The following STRAP variants were observed in gnomAD, a reference collection of about 807,000 sequenced individuals.
STRAP encodes serine-threonine kinase receptor-associated protein.
In STRAP, 16 loss-of-function variants were observed where a neutral mutation model predicts 47.0. The observed-to-expected ratio is 0.34, with a 90% CI of 0.23 to 0.52. The LOEUF (loss-of-function observed/expected upper bound fraction) is 0.52, where lower values mean the gene tolerates loss of function less well. Among genes scored for constraint, STRAP ranks in the 20% least tolerant of loss-of-function variants. The pLI is 0.96. For missense variants in STRAP, 293 were observed against 420.0 expected (o/e 0.70, Z 2.64); for synonymous variants, 130 against 142.7 (o/e 0.91, Z 0.63).
At chr12:15,892,691 A>G (rs1235402759) in intron 4 of STRAP, among the ~76,000 whole-genome samples, 2 of 152,198 alleles carry the variant, frequency 1.3e-5, no homozygotes, top group African/African-American at 4.8e-5. Context: ...AACAAAGCGC[A>G]TTTGCAGATT....
At chr12:15,893,980 G>T (rs1948039110) in intron 4 of STRAP, 67 bp from the exon 5 acceptor site, 2 of 1,208,294 alleles carry the variant, frequency 1.7e-6, no homozygotes, top group Non-Finnish European at 2.4e-6. Context: ...ATATATAATT[G>T]TTCCGATATT....
Position 15,882,458 on chromosome 12 carries a change from A to G in STRAP, c.-250A>G. The stretch of plus-strand genomic sequence containing the variant: ...CTGGCCCGGTTCTCCGCTTCTCCCC[A>G]TCCCCTACTTTCCTCCCTCCCTCCC... On this transcript the variant is annotated 5_prime_UTR_variant, in exon 1 of 10. Transcript: ENST00000419869. 1 of 480,184 alleles carries G rather than the reference A, an allele frequency of 2.1e-6. No homozygotes were observed. Among genetic ancestry groups the G allele is most frequent in the Non-Finnish European group, 3.8e-6 (1 of 266,082 alleles). The allele number at this position is 480,184 out of a possible 1,614,324, so 29.7% of individuals were successfully genotyped here.
chr12:15,897,927 T>C lies in STRAP; in HGVS notation c.684T>C (p.Ser228=). 6 of 1,593,512 alleles carry C rather than the reference T, an allele frequency of 3.8e-6. No homozygotes were observed. The highest frequency in any genetic ancestry group is 5.1e-6 in the Non-Finnish European group (6 of 1,172,184). The part of the protein sequence containing the change: ...KSFEAPATIN[S]ASLHPEKEFL... ...TTGAAGCTCCTGCAACCATCAATTC[T>C]GCATCTCTTCATCCTGAGAAAGAAT... Residue 228 remains serine (S), a synonymous_variant, in exon 7 of 10, where the codon TCT becomes TCC. Transcript: ENST00000419869.
intron 8 of STRAP, among the ~76,000 whole-genome samples, chr12:15,900,520 CAAA>C (rs397823926): frequency 2.0e-5 from 2 of 102,216 alleles, no homozygotes; most frequent in African/African-American, 3.5e-5. Flanking sequence ...GACTCAGTCT[CAAA>C]AAAAAAAAAA....
chr12:15,894,977 T>G lies in STRAP; in HGVS notation c.501-382T>G, dbSNP rs1948048050. 6.6e-6 allele frequency among the ~76,000 whole-genome samples: 1 copy of G among 152,216 alleles called. No homozygotes were observed. The highest frequency in any genetic ancestry group is 2.4e-5 in the African/African-American group (1 of 41,454). On this transcript the variant is annotated intron_variant, in intron 5 of 9. Coordinates refer to ENST00000419869, the MANE Select transcript of STRAP (RefSeq NM_007178.4). The surrounding 1 kb of genome is among the most constrained non-coding windows in gnomAD (Gnocchi z 4.9). Reference sequence around the variant, plus strand: ...GCCTCTGAAATTCTATACAAAATCTTGTGTGCTGACACCTGATGTATATTT... The same window carrying G: ...GCCTCTGAAATTCTATACAAAATCTGGTGTGCTGACACCTGATGTATATTT...
intron 1 of STRAP, chr12:15,883,222 G>C (rs977311745): frequency 1.6e-5 from 21 of 1,277,038 alleles, no homozygotes; most frequent in Non-Finnish European, 2.1e-5. Flanking sequence ...TTCCTTTGTG[G>C]TATTAGCCTC....
intron 9 of STRAP, among the ~76,000 whole-genome samples, chr12:15,902,082 TCTCCTGCGTAAGC>T (rs1192001474): frequency 1.3e-5 from 2 of 151,940 alleles, no homozygotes; most frequent in African/African-American, 4.8e-5. Context: ...TTCAAGCAAT[TCTCCTGCGTAAGC>T]CTCCTGGGTA....
In STRAP at chr12:15,885,205, T is replaced by TA. The variant is rs1555144752; in HGVS notation, c.248+1532dup. 2.9e-4 allele frequency among the ~76,000 whole-genome samples: 42 copies of TA among 145,078 alleles called. 1 individual carries two copies. The highest frequency in any genetic ancestry group is 3.9e-4 in the East Asian group (2 of 5,070). On this transcript the variant is annotated intron_variant, in intron 2 of 9. Coordinates refer to ENST00000419869, the MANE Select transcript of STRAP (RefSeq NM_007178.4). ...GTTTTTTTTTTTTTTTTTTTTTTTT[T>TA]AAAGACAGAGTCTTGCTATGTCCCC...
chr12:15,895,792 G>A (rs1182167133), intron 6 of STRAP, among the ~76,000 whole-genome samples: 1 of 149,594 alleles, frequency 6.7e-6, no homozygotes, highest in Non-Finnish European at 1.5e-5. Flanking sequence ...GAGCCTGGGA[G>A]GTTGAGGCTG....
chr12:15,889,463 TG>T (rs1414082315), intron 2 of STRAP, among the ~76,000 whole-genome samples: 1 of 152,204 alleles, frequency 6.6e-6, no homozygotes, highest in Non-Finnish European at 1.5e-5. Flanking sequence ...TTCATTCCCT[TG>T]TAACATTTTT....
chr12:15,899,412 A>G (rs1281596369), intron 7 of STRAP, among the ~76,000 whole-genome samples: 4 of 152,216 alleles, frequency 2.6e-5, no homozygotes, highest in African/African-American at 9.6e-5. Context: ...GTTGATCTAT[A>G]TCTCACCTTT....
At position 15,894,908 on chromosome 12, in the gene STRAP, A is replaced by T. The variant is rs1468966683; in HGVS notation, c.501-451A>T. ...TGATACCTTATAAGCAGGTGTTTTT[A>T]ACCTGGGTCTGTGGGCAGAATGGTT... On this transcript the variant is annotated intron_variant, in intron 5 of 9. Transcript: ENST00000419869. This position sits in a 1 kb window ranked among gnomAD's most constrained non-coding sequence, Gnocchi z 4.9. Among the ~76,000 whole-genome samples the T allele has an allele frequency of 6.6e-6, 1 of 152,240 alleles. No individual in the cohort carries two copies. Among genetic ancestry groups the T allele is most frequent in the African/African-American group, 2.4e-5 (1 of 41,460 alleles).
At chr12:15,895,231 A>G in intron 5 of STRAP, 128 bp from the exon 6 acceptor site, 1 of 738,196 alleles carries the variant, frequency 1.4e-6, no homozygotes, top group Non-Finnish European at 2.0e-6. Context: ...GTAATTTGTG[A>G]CTTGGAATGA....
At position 15,890,830 on chromosome 12, in the gene STRAP, C is replaced by T. The variant is rs1260183278; in HGVS notation, c.403+161C>T. 9.9e-5 allele frequency among the ~76,000 whole-genome samples: 15 copies of T among 152,062 alleles called. No individual in the cohort carries two copies. Among genetic ancestry groups the T allele is most frequent in the African/African-American group, 3.4e-4 (14 of 41,406 alleles). ...ATCCTAGCACTTTGGGAGACTGAGG[C>T]GGGTGGATCACTTGAGGTCAGGAGT... On this transcript the variant is annotated intron_variant, in intron 4 of 9. Transcript: ENST00000419869. This position sits in a 1 kb window ranked among gnomAD's most constrained non-coding sequence, Gnocchi z 4.5.
chr12:15,891,683 C>T (rs1238121751), intron 4 of STRAP, among the ~76,000 whole-genome samples: 2 of 152,182 alleles, frequency 1.3e-5, no homozygotes, highest in African/African-American at 4.8e-5. Context: ...TGGCTCACGC[C>T]TGTAATCCCA....
Position 15,903,298 on chromosome 12 carries a change from G to A in STRAP, c.*320G>A, listed in dbSNP as rs1345304237. On this transcript the variant is annotated 3_prime_UTR_variant, in exon 10 of 10. Coordinates refer to ENST00000419869, the MANE Select transcript of STRAP (RefSeq NM_007178.4). ...TAGCTGTTTATGTTAATATGGAGAA[G>A]AAAACTATATTGGCTGATTTTTTCT... 1 of 198,214 alleles carries A rather than the reference G, an allele frequency of 5.0e-6. No individual in the cohort carries two copies. 12.3% of individuals were successfully genotyped at this position (198,214 alleles called of 1,614,324 possible).
chr12:15,885,361 G>A (rs913980777), intron 2 of STRAP, among the ~76,000 whole-genome samples: 1 of 151,504 alleles, frequency 6.6e-6, no homozygotes, highest in East Asian at 1.9e-4. Context: ...GCTAATTTTT[G>A]TATATTTAGT....
In STRAP at chr12:15,896,389, A is replaced by T. The variant is rs1430083700; in HGVS notation, c.638+893A>T. ...ATTTGAATTTTGCGACTTTAAATGT[A>T]GTAAATACTCTTGGAGAAAGACTGG... On this transcript the variant is annotated intron_variant, in intron 6 of 9. Transcript: ENST00000419869. This position sits in a 1 kb window ranked among gnomAD's most constrained non-coding sequence, Gnocchi z 4.1. Among the ~76,000 whole-genome samples, 1 of 152,222 alleles carries T rather than the reference A, an allele frequency of 6.6e-6. No homozygotes were observed. Among genetic ancestry groups the T allele is most frequent in the Non-Finnish European group, 1.5e-5 (1 of 68,024 alleles).
At chr12:15,900,190 C>A in intron 8 of STRAP, 137 bp downstream of exon 8, 1 of 995,220 alleles carries the variant, frequency 1.0e-6, no homozygotes, top group Non-Finnish European at 1.4e-6. Flanking sequence ...GCGAGAAGCC[C>A]AGGATTATAA....
Sources: allele counts gnomAD v4.1 joint callset (sites outside exome capture counted in the v4.1 genomes callset), GRCh38; gene constraint gnomAD v4.1.1; non-coding constraint Gnocchi (gnomAD v3.1); transcripts MANE v1.5; gene names NCBI Gene and HGNC (gene_info 2026-07-23, HGNC 2026-07-21).